The following ANO1 variants were observed in gnomAD, a reference collection of about 807,000 sequenced individuals.
ANO1 encodes the protein anoctamin-1.
In ANO1, 59 loss-of-function variants were observed where a neutral mutation model predicts 124.0. The ratio of observed to expected loss-of-function variants is 0.48; its 90% confidence interval spans 0.39 to 0.59. The LOEUF (loss-of-function observed/expected upper bound fraction) is 0.59, where lower values mean the gene tolerates loss of function less well. Among genes scored for constraint, ANO1 ranks in the 20% least tolerant of loss-of-function variants. The pLI is 0.00. For synonymous variants in ANO1, 529 were observed against 532.0 expected, an observed-to-expected ratio of 0.99 and a Z score of 0.08; for missense variants, 1,059 against 1,328.0, an observed-to-expected ratio of 0.80 and a Z score of 3.15.
the ANO1 span, among the ~76,000 whole-genome samples, chr11:69,975,582 T>A: frequency 6.6e-6 from 1 of 152,246 alleles, no homozygotes; most frequent in African/African-American, 2.4e-5. Flanking sequence ...TTGTGGGCAG[T>A]TGGGGTGCCA....
chr11:70,011,162 G>T (rs573871521), intron 1 of ANO1, among the ~76,000 whole-genome samples: 1 of 152,200 alleles, frequency 6.6e-6, no homozygotes, highest in Non-Finnish European at 1.5e-5. Context: ...GCAGAAAGGT[G>T]CAGGAAGGGT....
intron 14 of ANO1, among the ~76,000 whole-genome samples, chr11:70,153,531 C>T (rs753897335): frequency 6.6e-6 from 1 of 152,158 alleles, no homozygotes; most frequent in Non-Finnish European, 1.5e-5. Flanking sequence ...CTATGCCGAG[C>T]AATGAAACAG....
upstream of ANO1, among the ~76,000 whole-genome samples, chr11:69,981,531 A>G (rs1246921442): frequency 6.6e-6 from 1 of 152,246 alleles, no homozygotes; most frequent in African/African-American, 2.4e-5. Flanking sequence ...CTGCAAGTTT[A>G]GCCTGCTTCA....
chr11:70,074,070 A>G (rs2135147616), upstream of ANO1, among the ~76,000 whole-genome samples: 1 of 152,204 alleles, frequency 6.6e-6, no homozygotes, highest in African/African-American at 2.4e-5. Context: ...TTATAGCCCA[A>G]GTTGCTTTTA....
At chr11:70,088,806 G>A (rs1327394833) in intron 2 of ANO1, among the ~76,000 whole-genome samples, 4 of 152,186 alleles carry the variant, frequency 2.6e-5, no homozygotes, top group South Asian at 2.1e-4. Context: ...TCAGTTTCTC[G>A]TCTGTAGAGT....
At chr11:70,106,887 G>GC (rs890385776) in intron 5 of ANO1, among the ~76,000 whole-genome samples, 1 of 152,192 alleles carries the variant, frequency 6.6e-6, no homozygotes, top group African/African-American at 2.4e-5. Context: ...ATAGGGAGAG[G>GC]CCCACTGTGC....
intron 21 of ANO1, 112 bp downstream of exon 21, chr11:70,167,499 G>C: frequency 7.2e-7 from 1 of 1,394,664 alleles, no homozygotes; most frequent in Non-Finnish European, 9.6e-7. Flanking sequence ...GCGGTGCCCA[G>C]CGTCCCTCCA....
intron 1 of ANO1, among the ~76,000 whole-genome samples, chr11:70,065,633 C>T (rs1310054186): frequency 1.3e-5 from 2 of 151,634 alleles, no homozygotes; most frequent in African/African-American, 2.4e-5. Context: ...TGTCCCCCGT[C>T]GTCCCCCTAG....
chr11:70,099,766 A>T (rs1049083696), intron 2 of ANO1, among the ~76,000 whole-genome samples: 3 of 152,264 alleles, frequency 2.0e-5, no homozygotes, highest in African/African-American at 7.2e-5. Context: ...CCCTGCTGGG[A>T]AACAGGCCTT....
intron 1 of ANO1, among the ~76,000 whole-genome samples, chr11:69,986,429 TG>T (rs1437767742): frequency 6.6e-6 from 1 of 151,844 alleles, no homozygotes; most frequent in Non-Finnish European, 1.5e-5. Flanking sequence ...GGGGCTGGGC[TG>T]GGGCTGGGGG....
chr11:69,986,724 T>TC (rs1554996918), intron 1 of ANO1, among the ~76,000 whole-genome samples: 1 of 151,994 alleles, frequency 6.6e-6, no homozygotes, highest in East Asian at 1.9e-4. Context: ...CCTGACTTCC[T>TC]CCCCCCTGGC....
intron 1 of ANO1, among the ~76,000 whole-genome samples, chr11:70,067,843 C>G (rs987602632): frequency 6.6e-6 from 1 of 152,226 alleles, no homozygotes; most frequent in Non-Finnish European, 1.5e-5. Flanking sequence ...AGAAGCCACT[C>G]CCTGTGCAAA....
the ANO1 span, among the ~76,000 whole-genome samples, chr11:69,980,549 A>T: frequency 2.0e-5 from 3 of 151,878 alleles, no homozygotes; most frequent in East Asian, 5.9e-4. Context: ...TGAACCCAGG[A>T]GGCAGAGCTT....
In ANO1 at chr11:70,087,939, AC is replaced by A. The variant is rs754415415; in HGVS notation, c.301del (p.Leu101CysfsTer56). 2.5e-6 allele frequency: 4 copies of A among 1,601,472 alleles called. No individual in the cohort carries two copies. Among genetic ancestry groups the A allele is most frequent in the East Asian group, 2.3e-5 (1 of 44,320 alleles). On this transcript the variant is annotated frameshift_variant, in exon 2 of 26. Coordinates refer to ENST00000355303, the MANE Select transcript of ANO1 (RefSeq NM_018043.7). LOFTEE classifies it high-confidence loss of function. ...PSGARSVKQD[H>X]PLPGKGASLD... The stretch of plus-strand genomic sequence containing the variant: ...GGGGCTCGCAGCGTCAAGCAGGACC[AC>A]CCCCTGCCGGGCAAGGGGGCGTCGC...
chr11:70,120,746 G>T (rs746127161), intron 8 of ANO1, among the ~76,000 whole-genome samples: 1 of 152,158 alleles, frequency 6.6e-6, no homozygotes, highest in Non-Finnish European at 1.5e-5. Flanking sequence ...ACCAAGGGCC[G>T]GTGGCAGCCA....
At chr11:70,134,354 C>T (rs2046872921) in intron 11 of ANO1, among the ~76,000 whole-genome samples, 1 of 152,198 alleles carries the variant, frequency 6.6e-6, no homozygotes, top group Non-Finnish European at 1.5e-5. Context: ...TTGTTCAGTG[C>T]CGCCTGCTGT....
intron 3 of ANO1, 75 bp from the exon 4 acceptor site, chr11:70,103,924 C>G: frequency 6.7e-7 from 1 of 1,493,194 alleles, no homozygotes; most frequent in Non-Finnish European, 9.0e-7. Context: ...GGTTCTCTGA[C>G]CATCCGAGAA....
chr11:69,998,298 G>T (rs1856313168), intron 1 of ANO1, among the ~76,000 whole-genome samples: 1 of 152,202 alleles, frequency 6.6e-6, no homozygotes. Context: ...CCCAGAACGT[G>T]GCCTCTTGCC....
intron 1 of ANO1, among the ~76,000 whole-genome samples, chr11:70,022,275 T>C (rs4980582): frequency 0.77 from 116,638 of 151,608 alleles, 45,178 homozygotes; most frequent in East Asian, 0.94. Context: ...ACATCAAGGT[T>C]CTGGCACACA....
Sources: allele counts gnomAD v4.1 joint callset (sites outside exome capture counted in the v4.1 genomes callset), GRCh38; gene constraint gnomAD v4.1.1; transcripts MANE v1.5; gene names NCBI Gene and HGNC (gene_info 2026-07-23, HGNC 2026-07-21).